KCNU1: variants seen among roughly 807,000 people sequenced by gnomAD.
The protein encoded by KCNU1 is potassium calcium-activated channel subfamily U member 1, also known as potassium channel subfamily U member 1.
A neutral mutation model predicts 126.8 loss-of-function variants in KCNU1; 93 were observed. The observed-to-expected ratio is 0.73, with a 90% CI of 0.62 to 0.87. The LOEUF (loss-of-function observed/expected upper bound fraction) is 0.87, where lower values mean the gene tolerates loss of function less well. KCNU1 is among the 40% of genes least tolerant of loss of function. The pLI, the probability that KCNU1 is intolerant of heterozygous loss-of-function variation, is 0.00. For missense variants in KCNU1, 1,330 were observed against 1,367.1 expected (o/e 0.97, Z 0.43); for synonymous variants, 523 against 494.2 (o/e 1.06, Z -0.77).
intron 19 of KCNU1, among the ~76,000 whole-genome samples, chr8:36,871,041 T>C: frequency 6.6e-6 from 1 of 152,190 alleles, no homozygotes; most frequent in East Asian, 1.9e-4. Context: ...GGGCTATGTG[T>C]CTGCAATGAA....
intron 19 of KCNU1, among the ~76,000 whole-genome samples, chr8:36,865,954 G>C (rs142424476): frequency 2.2e-4 from 33 of 152,026 alleles, no homozygotes; most frequent in African/African-American, 7.7e-4. Flanking sequence ...GCACGATATC[G>C]CTTATATGTG....
At chr8:36,911,659 A>G (rs2117536442) in intron 22 of KCNU1, among the ~76,000 whole-genome samples, 1 of 152,324 alleles carries the variant, frequency 6.6e-6, no homozygotes, top group East Asian at 1.9e-4. Flanking sequence ...CTTCAACTTC[A>G]GACTAGAAGG....
chr8:36,814,497 T>C, intron 8 of KCNU1, 120 bp downstream of exon 8: 1 of 718,660 alleles, frequency 1.4e-6, no homozygotes, highest in Non-Finnish European at 2.3e-6. Flanking sequence ...GGGGCACATG[T>C]CAAGGGCAAA....
intron 23 of KCNU1, 128 bp from the exon 24 acceptor site, chr8:36,922,362 C>A: frequency 3.2e-6 from 3 of 952,298 alleles, no homozygotes; most frequent in Non-Finnish European, 4.7e-6. Flanking sequence ...AGGGGTTGAT[C>A]CCACAGAGAC....
intron 4 of KCNU1, 60 bp from the exon 5 acceptor site, chr8:36,806,209 G>A (rs2130420764): frequency 4.0e-6 from 4 of 989,454 alleles, no homozygotes; most frequent in Non-Finnish European, 6.2e-6. Context: ...ATGCTATCTA[G>A]TGTTCACTTA....
chr8:36,902,103 A>G (rs142378033), intron 19 of KCNU1, among the ~76,000 whole-genome samples: 51 of 152,240 alleles, frequency 3.3e-4, no homozygotes, highest in African/African-American at 1.1e-3. Context: ...TGTAAATTGC[A>G]TTCGGTTTTG....
intron 14 of KCNU1, 149 bp downstream of exon 14, chr8:36,837,094 T>A: frequency 1.4e-6 from 1 of 731,262 alleles, no homozygotes; most frequent in South Asian, 1.9e-5. Flanking sequence ...TTAGAAGATC[T>A]GAATTTAAAA....
chr8:36,793,040 TC>T (rs1234052090), intron 2 of KCNU1, among the ~76,000 whole-genome samples: 2 of 152,184 alleles, frequency 1.3e-5, no homozygotes, highest in African/African-American at 4.8e-5. Context: ...AATGATGAGT[TC>T]ATGTACTTTG....
chr8:36,868,672 G>A (rs939565020), intron 19 of KCNU1, among the ~76,000 whole-genome samples: 1 of 152,068 alleles, frequency 6.6e-6, no homozygotes, highest in African/African-American at 2.4e-5. Flanking sequence ...CATAGAATAA[G>A]CAATGTTATA....
intron 25 of KCNU1, among the ~76,000 whole-genome samples, chr8:36,931,591 A>G (rs1434983991): frequency 6.6e-6 from 1 of 152,078 alleles, no homozygotes; most frequent in Non-Finnish European, 1.5e-5. Context: ...TATTTAACAG[A>G]TCAAGAAACT....
chr8:36,845,177 G>A (rs1805096943), intron 16 of KCNU1, among the ~76,000 whole-genome samples: 1 of 152,164 alleles, frequency 6.6e-6, no homozygotes, highest in African/African-American at 2.4e-5. Flanking sequence ...ATGGCAAGTG[G>A]CCTAAAGATG....
chr8:36,846,146 G>A (rs999028492), intron 18 of KCNU1, among the ~76,000 whole-genome samples: 3 of 152,182 alleles, frequency 2.0e-5, no homozygotes, highest in African/African-American at 7.2e-5. Context: ...CAGTCACTTT[G>A]TCCAAAGTCA....
At chr8:36,858,684 TTACTA>T (rs1323311109) in intron 18 of KCNU1, among the ~76,000 whole-genome samples, 8 of 152,232 alleles carry the variant, frequency 5.3e-5, no homozygotes, top group African/African-American at 1.7e-4. Context: ...TTTTATGACT[TTACTA>T]TAAATATTTT....
chr8:36,929,706 G>A (rs1808641706), intron 24 of KCNU1, among the ~76,000 whole-genome samples: 1 of 152,110 alleles, frequency 6.6e-6, no homozygotes, highest in Non-Finnish European at 1.5e-5. Flanking sequence ...ATAGATTAAC[G>A]TGCCCCAGAG....
intron 19 of KCNU1, among the ~76,000 whole-genome samples, chr8:36,874,540 C>G (rs1806212715): frequency 6.6e-6 from 1 of 152,060 alleles, no homozygotes. Context: ...CACCACGTGC[C>G]CTCCCTGGGC....
chr8:36,823,316 G>C (rs964553520), intron 10 of KCNU1, among the ~76,000 whole-genome samples: 18 of 152,072 alleles, frequency 1.2e-4, no homozygotes, highest in African/African-American at 4.3e-4. Context: ...ACTGCTTTCA[G>C]TTCTTTCAGA....
At chr8:36,822,505 G>T (rs1399492505) in intron 10 of KCNU1, among the ~76,000 whole-genome samples, 3 of 151,950 alleles carry the variant, frequency 2.0e-5, no homozygotes, top group African/African-American at 7.3e-5. Flanking sequence ...AAGCTACAAG[G>T]TTCTTGTAAG....
intron 23 of KCNU1, among the ~76,000 whole-genome samples, chr8:36,921,292 A>G (rs1221369426): frequency 1.3e-5 from 2 of 152,176 alleles, no homozygotes; most frequent in Non-Finnish European, 2.9e-5. Context: ...TCTTTAGGAT[A>G]GGAACCTGAG....
chr8:36,784,583 T>A lies in KCNU1; in HGVS notation c.173T>A (p.Ile58Asn). ...IWRSVKKWQI[I>N]KGTGIILELF... ...AGATCTGTTAAAAAATGGCAAATCATCAAGGGAACAGGAATTATCTTGGTC... is the reference window on the plus strand; with the variant it reads ...AGATCTGTTAAAAAATGGCAAATCAACAAGGGAACAGGAATTATCTTGGTC... Residue 58 changes from isoleucine (I) to asparagine (N), a missense_variant, in exon 1 of 27, where the codon ATC becomes AAC. By Grantham distance (149) the Ile-to-Asn change is moderately radical. Coordinates refer to ENST00000399881, the MANE Select transcript of KCNU1 (RefSeq NM_001031836.3). 1 of 1,613,184 alleles carries A rather than the reference T, an allele frequency of 6.2e-7. No homozygotes were observed. The highest frequency in any genetic ancestry group is 8.5e-7 in the Non-Finnish European group (1 of 1,179,466).
Sources: allele counts gnomAD v4.1 joint callset (sites outside exome capture counted in the v4.1 genomes callset), GRCh38; gene constraint gnomAD v4.1.1; transcripts MANE v1.5; gene names NCBI Gene and HGNC (gene_info 2026-07-23, HGNC 2026-07-21).